Variants in MYO1D observed in about 807,000 individuals in gnomAD.
MYO1D encodes the protein unconventional myosin-Id.
A neutral mutation model predicts 122.0 loss-of-function variants in MYO1D; 83 were observed. The ratio of observed to expected loss-of-function variants is 0.68; its 90% CI spans 0.57 to 0.82. MYO1D has a LOEUF of 0.82. Among genes scored for constraint, MYO1D ranks in the 40% least tolerant of loss-of-function variants. MYO1D has a pLI of 0.00. For synonymous variants in MYO1D, 464 were observed against 446.9 expected (o/e 1.04, Z -0.48); for missense variants, 1,157 against 1,269.5 (o/e 0.91, Z 1.35).
chr17:32,499,653 A>T (rs955300044), intron 21 of MYO1D, among the ~76,000 whole-genome samples: 2 of 151,606 alleles, frequency 1.3e-5, no homozygotes, highest in African/African-American at 4.8e-5. Flanking sequence ...AAAAATAAAA[A>T]AAAATAAACA....
chr17:32,510,994 C>A (rs1247485740), intron 21 of MYO1D: 1 of 151,670 alleles, frequency 6.6e-6, no homozygotes, highest in Admixed American at 6.6e-5. Flanking sequence ...TACCACCAAA[C>A]CAAACCAAAG....
chr17:32,761,219 C>T (rs1416183624), intron 8 of MYO1D, among the ~76,000 whole-genome samples: 2 of 152,110 alleles, frequency 1.3e-5, no homozygotes, highest in Non-Finnish European at 2.9e-5. Context: ...AACGTCACAT[C>T]GTTAGAAAAC....
chr17:32,581,125 A>G (rs2087334968), intron 21 of MYO1D, among the ~76,000 whole-genome samples: 2 of 152,222 alleles, frequency 1.3e-5, no homozygotes, highest in Admixed American at 1.3e-4. Flanking sequence ...TTTCTTTAAT[A>G]TACATAGAGC....
intron 21 of MYO1D, among the ~76,000 whole-genome samples, chr17:32,588,195 C>G (rs2087408166): frequency 6.6e-6 from 1 of 152,168 alleles, no homozygotes; most frequent in Admixed American, 6.5e-5. Context: ...CCTGGTTGGA[C>G]AGTGTGTAGA....
At chr17:32,632,216 T>C (rs998482304) in intron 20 of MYO1D, among the ~76,000 whole-genome samples, 8 of 152,196 alleles carry the variant, frequency 5.3e-5, no homozygotes, top group Non-Finnish European at 8.8e-5. Context: ...AGTCTGGTTA[T>C]AGCTCACTTC....
intron 21 of MYO1D, among the ~76,000 whole-genome samples, chr17:32,576,783 A>G (rs1166068892): frequency 1.3e-5 from 2 of 152,200 alleles, no homozygotes; most frequent in African/African-American, 4.8e-5. Context: ...CAGGCTCTCA[A>G]GTAGCTAGGA....
intron 20 of MYO1D, among the ~76,000 whole-genome samples, chr17:32,620,639 T>C (rs1392486697): frequency 6.6e-6 from 1 of 152,214 alleles, no homozygotes; most frequent in Admixed American, 6.5e-5. Flanking sequence ...ATTTGTTTTA[T>C]GATATAATGT....
intron 21 of MYO1D, among the ~76,000 whole-genome samples, chr17:32,560,967 A>G (rs2087120055): frequency 1.4e-5 from 2 of 145,454 alleles, no homozygotes; most frequent in South Asian, 4.4e-4. Flanking sequence ...GCTGGAGTGC[A>G]ATGGTGTGAT....
intron 1 of MYO1D, among the ~76,000 whole-genome samples, chr17:32,837,676 T>C (rs2090840957): frequency 6.6e-6 from 1 of 151,904 alleles, no homozygotes; most frequent in Non-Finnish European, 1.5e-5. Context: ...GCCAAACTGG[T>C]TCAGAAAAAT....
intron 19 of MYO1D, among the ~76,000 whole-genome samples, chr17:32,641,346 T>C (rs993801005): frequency 5.3e-5 from 8 of 152,050 alleles, no homozygotes; most frequent in African/African-American, 1.9e-4. Flanking sequence ...TGTTGGACAT[T>C]TGGGTTGGTT....
At chr17:32,686,124 A>G (rs1332912479) in intron 16 of MYO1D, 2 of 150,918 alleles carry the variant, frequency 1.3e-5, no homozygotes, top group Non-Finnish European at 2.9e-5. Flanking sequence ...GGGAAAAAAA[A>G]CACACAAAAA....
intron 21 of MYO1D, among the ~76,000 whole-genome samples, chr17:32,557,986 T>C (rs2087083347): frequency 6.6e-6 from 1 of 152,064 alleles, no homozygotes; most frequent in Non-Finnish European, 1.5e-5. Context: ...ATAGACACAA[T>C]TTGAATTTTA....
intron 1 of MYO1D, among the ~76,000 whole-genome samples, chr17:32,860,623 G>A (rs2091063203): frequency 6.6e-6 from 1 of 152,182 alleles, no homozygotes; most frequent in South Asian, 2.1e-4. Flanking sequence ...TCTTTTAAGT[G>A]AGAATAATAA....
At chr17:32,544,585 A>G (rs1411420849) in intron 21 of MYO1D, among the ~76,000 whole-genome samples, 1 of 152,204 alleles carries the variant, frequency 6.6e-6, no homozygotes, top group African/African-American at 2.4e-5. Flanking sequence ...AATACTAGCA[A>G]TCTTCTCTCT....
intron 21 of MYO1D, among the ~76,000 whole-genome samples, chr17:32,514,144 A>G (rs1218858774): frequency 6.9e-6 from 1 of 145,014 alleles, no homozygotes; most frequent in Non-Finnish European, 1.5e-5. Context: ...CGGGAGGCTG[A>G]GGCAGGGAGC....
At chr17:32,810,508 C>T (rs987832097) in intron 1 of MYO1D, among the ~76,000 whole-genome samples, 2 of 149,200 alleles carry the variant, frequency 1.3e-5, no homozygotes, top group South Asian at 2.1e-4. Flanking sequence ...GACAGAGTCT[C>T]GCTCTATTGC....
At chr17:32,773,515 C>A (rs369268091) in intron 4 of MYO1D, among the ~76,000 whole-genome samples, 10 of 151,410 alleles carry the variant, frequency 6.6e-5, no homozygotes, top group African/African-American at 1.9e-4. Context: ...AAGTACCAAC[C>A]CCACCCCACT....
At chr17:32,577,982 GC>G (rs2087294684) in intron 21 of MYO1D, among the ~76,000 whole-genome samples, 1 of 151,988 alleles carries the variant, frequency 6.6e-6, no homozygotes, top group African/African-American at 2.4e-5. Flanking sequence ...CTCGTGATCC[GC>G]CCATCTCGGC....
chr17:32,503,133 A>G (rs1335312776), intron 21 of MYO1D, among the ~76,000 whole-genome samples: 3 of 152,244 alleles, frequency 2.0e-5, no homozygotes, highest in Non-Finnish European at 4.4e-5. Flanking sequence ...GATCTATGGA[A>G]TGAACAAACA....
Sources: allele counts gnomAD v4.1 joint callset (sites outside exome capture counted in the v4.1 genomes callset), GRCh38; gene constraint gnomAD v4.1.1; transcripts MANE v1.5; gene names NCBI Gene and HGNC (gene_info 2026-07-23, HGNC 2026-07-21).